Variants in ERCC6L2 observed in about 807,000 individuals in gnomAD.
ERCC6L2 encodes ERCC excision repair 6 like 2.
In ERCC6L2, 77 loss-of-function variants were observed where a neutral mutation model predicts 132.0. The observed-to-expected ratio is 0.58, with a 90% CI of 0.49 to 0.71. The LOEUF (loss-of-function observed/expected upper bound fraction) is 0.71, where lower values mean the gene tolerates loss of function less well. Among genes scored for constraint, ERCC6L2 ranks in the 30% least tolerant of loss-of-function variants. The probability of loss-of-function intolerance (pLI) is 0.00; values close to 1 mark genes in which losing one functional copy is unlikely to be tolerated. For missense variants in ERCC6L2, 1,542 were observed against 1,837.6 expected (o/e 0.84, Z 2.94); for synonymous variants, 583 against 632.4 (o/e 0.92, Z 1.17).
chr9:96,019,167 A>AT (rs1397664616), downstream of ERCC6L2, among the ~76,000 whole-genome samples: 3 of 152,140 alleles, frequency 2.0e-5, no homozygotes, highest in Non-Finnish European at 4.4e-5. Context: ...AATTTTCTTA[A>AT]TTTTTTTGTA....
intron 3 of ERCC6L2, chr9:95,906,824 G>T (rs1829062089): frequency 3.9e-6 from 2 of 517,048 alleles, no homozygotes; most frequent in East Asian, 8.0e-5. Context: ...TTTGGTAGGG[G>T]GAAATAAAAA....
Position 95,972,022 on chromosome 9 carries a change from C to T in ERCC6L2, c.2271C>T (p.Phe757=). 7.7e-7 allele frequency: 1 copy of T among 1,304,172 alleles called. No individual in the cohort carries two copies. Among genetic ancestry groups the T allele is most frequent in the Non-Finnish European group, 1.0e-6 (1 of 988,930 alleles). 80.8% of individuals were successfully genotyped at this position (1,304,172 alleles called of 1,614,324 possible). A position where few individuals can be genotyped will look rare whatever the true frequency, so the allele number is the denominator to read the frequency against. ...AKEACDLCSD[F]SDEEPVGATG... ...AAGCATGTGATCTCTGCAGTGACTTCAGTGATGAAGAGCCAGTGGGAGCCA... is the reference window on the plus strand; with the variant it reads ...AAGCATGTGATCTCTGCAGTGACTTTAGTGATGAAGAGCCAGTGGGAGCCA... The change falls in exon 16 of 19, where the codon TTC becomes TTT. Residue 757 remains phenylalanine (F), a synonymous_variant. Transcript: ENST00000653738.
chr9:95,881,076 A>G lies in ERCC6L2; in HGVS notation c.254A>G (p.Asp85Gly). 1 of 1,613,528 alleles carries G rather than the reference A, an allele frequency of 6.2e-7. No homozygotes were observed. The highest frequency in any genetic ancestry group is 8.5e-7 in the Non-Finnish European group (1 of 1,179,728). The change falls in exon 2 of 19, where the codon GAT (aspartate) becomes GGT (glycine). Residue 85 changes from aspartate (D) to glycine (G), a missense_variant. This residue lies in a region of ERCC6L2 where 153 missense variants were observed against 132.3 expected (regional missense o/e 1.16). Coordinates refer to ENST00000653738, the MANE Select transcript of ERCC6L2 (RefSeq NM_020207.7). Reference protein sequence around the residue: ...VKDCPRNLIFDDEDLEKPYFP... With the variant: ...VKDCPRNLIFGDEDLEKPYFP... ...GATTGCCCTAGGAATCTTATATTTG[A>G]TGATGAAGATTTAGAAAAACCTTAT...
intron 2 of ERCC6L2, among the ~76,000 whole-genome samples, chr9:95,886,873 A>G (rs1375545929): frequency 6.6e-6 from 1 of 152,178 alleles, no homozygotes; most frequent in African/African-American, 2.4e-5. Context: ...GCTAGAAGTA[A>G]GCAGGCAGAA....
At chr9:95,941,226 G>T (rs370139170) in intron 11 of ERCC6L2, among the ~76,000 whole-genome samples, 1 of 152,074 alleles carries the variant, frequency 6.6e-6, no homozygotes, top group African/African-American at 2.4e-5. Flanking sequence ...AACTATTTAC[G>T]TGGGCTCTAA....
intron 2 of ERCC6L2, among the ~76,000 whole-genome samples, chr9:95,889,644 A>G (rs553581963): frequency 2.3e-4 from 35 of 152,266 alleles, no homozygotes; most frequent in South Asian, 8.3e-4. Context: ...AAGTTTTTTC[A>G]TGCCCCTTTC....
At chr9:95,970,726 C>T (rs931419325) in intron 15 of ERCC6L2, 70 bp downstream of exon 15, 1 of 1,094,898 alleles carries the variant, frequency 9.1e-7, no homozygotes, top group Non-Finnish European at 1.2e-6. Flanking sequence ...TGTTTCTTTT[C>T]CTTTTTCCTT....
intron 17 of ERCC6L2, among the ~76,000 whole-genome samples, chr9:95,996,365 T>C (rs1159621546): frequency 6.6e-6 from 1 of 152,270 alleles, no homozygotes. Flanking sequence ...AGAAGCTGTC[T>C]CCATAGCAGC....
At chr9:95,902,000 A>G (rs1177077168) in intron 3 of ERCC6L2, among the ~76,000 whole-genome samples, 1 of 152,262 alleles carries the variant, frequency 6.6e-6, no homozygotes, top group African/African-American at 2.4e-5. Flanking sequence ...CAGAATTACA[A>G]TTGAATTCTG....
chr9:95,907,857 C>CACACACACCCACA, intron 4 of ERCC6L2, among the ~76,000 whole-genome samples: 2 of 133,740 alleles, frequency 1.5e-5, no homozygotes, highest in African/African-American at 5.6e-5. Context: ...ACACACACAC[C>CACACACACCCACA]CCCACACCCA....
chr9:95,893,354 A>T (rs181563412), intron 2 of ERCC6L2, among the ~76,000 whole-genome samples: 1 of 152,126 alleles, frequency 6.6e-6, no homozygotes, highest in South Asian at 2.1e-4. Context: ...TCTGTGTGCT[A>T]ATATTTTGTT....
chr9:95,923,219 GT>G, intron 8 of ERCC6L2, 40 bp from the exon 9 acceptor site: 5 of 1,604,114 alleles, frequency 3.1e-6, no homozygotes, highest in Non-Finnish European at 4.3e-6. Flanking sequence ...GTTTGAATGT[GT>G]TAAGTGGAAA....
At chr9:95,993,976 A>AGTG (rs1833388111) in intron 17 of ERCC6L2, among the ~76,000 whole-genome samples, 1 of 152,218 alleles carries the variant, frequency 6.6e-6, no homozygotes, top group East Asian at 1.9e-4. Flanking sequence ...TTCTGCAGAT[A>AGTG]GTGAGTTAAG....
chr9:96,002,743 A>C (rs1178793103), intron 17 of ERCC6L2, among the ~76,000 whole-genome samples: 4 of 151,990 alleles, frequency 2.6e-5, no homozygotes, highest in African/African-American at 7.3e-5. Flanking sequence ...CTAATTTGGC[A>C]TTTCTTTGTA....
At chr9:95,904,457 A>T (rs1828934486) in intron 3 of ERCC6L2, among the ~76,000 whole-genome samples, 1 of 152,178 alleles carries the variant, frequency 6.6e-6, no homozygotes. Flanking sequence ...TTTTGATTGA[A>T]GGTGCTAACA....
chr9:95,950,031 AT>A (rs1241285502), intron 12 of ERCC6L2, among the ~76,000 whole-genome samples: 22 of 151,906 alleles, frequency 1.4e-4, no homozygotes, highest in Admixed American at 9.8e-4. Flanking sequence ...AAAAAAAAAA[AT>A]CCTAAAGGGA....
At position 95,885,279 on chromosome 9, in the gene ERCC6L2, A is replaced by T. The variant is rs552665770; in HGVS notation, c.471+3986A>T. Among the ~76,000 whole-genome samples the T allele has an allele frequency of 4.6e-5, 7 of 152,324 alleles. No homozygotes were observed. The South Asian group carries it at 1.4e-3, about 32-fold the overall frequency. On this transcript the variant is annotated intron_variant, in intron 2 of 18. Transcript: ENST00000653738. ...GTAATATCCATCCATCTTTTGTTGC[A>T]TTTTAAAATAGCAGACATTAATACA...
chr9:95,906,607 A>C (rs770314717), intron 3 of ERCC6L2: 29 of 453,114 alleles, frequency 6.4e-5, no homozygotes, highest in South Asian at 4.6e-4. Context: ...CAGTTCTTTA[A>C]CTGAGAGTAT....
rs1204857852 is a variant in ERCC6L2, at chr9:96,013,870, T to TA, written c.*668dup. 6.6e-6 allele frequency: 1 copy of TA among 152,234 alleles called. No homozygotes were observed. The highest frequency in any genetic ancestry group is 2.4e-5 in the African/African-American group (1 of 41,460). 9.4% of individuals were successfully genotyped at this position (152,234 alleles called of 1,614,324 possible). Reference sequence around the variant, plus strand: ...TGTGATTACTACCATTAGCCACAGATACCAGTGCCTCAACTTTTTATGTAC... The same window carrying TA: ...TGTGATTACTACCATTAGCCACAGATAACCAGTGCCTCAACTTTTTATGTAC... On this transcript the variant is annotated 3_prime_UTR_variant, in exon 19 of 19. Coordinates refer to ENST00000653738, the MANE Select transcript of ERCC6L2 (RefSeq NM_020207.7).
Sources: gnomAD v4.1 joint callset for allele counts (sites outside exome capture counted in the v4.1 genomes callset) on GRCh38, gnomAD v4.1.1 for gene constraint, gnomAD v4.1.1 regional missense constraint, MANE v1.5 for transcripts, NCBI Gene and HGNC (gene_info 2026-07-23, HGNC 2026-07-21) for gene names.